PCDHA6: variants seen among roughly 807,000 people sequenced by gnomAD.
PCDHA6 encodes the protein protocadherin alpha 6.
Under a neutral mutation model 60.3 loss-of-function variants are expected in PCDHA6, and 55 were observed. The ratio of observed to expected loss-of-function variants is 0.91; its 90% CI spans 0.73 to 1.14. PCDHA6 has a LOEUF of 1.14. PCDHA6 is among the 50% of genes most tolerant of loss of function. The pLI is 0.00. For synonymous variants in PCDHA6, 652 were observed against 557.9 expected (o/e 1.17, Z -2.38); for missense variants, 1,327 against 1,256.5 (o/e 1.06, Z -0.85).
chr5:140,948,986 T>C (rs2094331337), intron 1 of PCDHA6, among the ~76,000 whole-genome samples: 1 of 151,752 alleles, frequency 6.6e-6, no homozygotes, highest in Non-Finnish European at 1.5e-5. Context: ...ACTGCTTTAT[T>C]TGCATTTTAC....
In PCDHA6 at chr5:140,830,233, G is replaced by C; in HGVS notation, c.2142G>C (p.Thr714=). The change falls in exon 1 of 4, where the codon ACG becomes ACC. Residue 714 remains threonine (T), a synonymous_variant. Coordinates refer to ENST00000529310, the MANE Select transcript of PCDHA6 (RefSeq NM_018909.4). ...ICAVSSLLVL[T]LLLYTALRCS... Reference sequence around the variant, plus strand: ...CGGTATCCAGCCTGCTGGTCCTCACGCTACTGCTGTACACAGCGCTGCGGT... The same window carrying C: ...CGGTATCCAGCCTGCTGGTCCTCACCCTACTGCTGTACACAGCGCTGCGGT... The C allele has an allele frequency of 6.2e-7, 1 of 1,613,906 alleles. No homozygotes were observed. Among genetic ancestry groups the C allele is most frequent in the Non-Finnish European group, 8.5e-7 (1 of 1,179,906 alleles).
intron 1 of PCDHA6, among the ~76,000 whole-genome samples, chr5:140,904,446 T>C (rs34807894): frequency 0.32 from 47,642 of 151,146 alleles, 7,868 homozygotes; most frequent in East Asian, 0.52. Context: ...TATTACAATT[T>C]CTTTATACAC....
At chr5:140,874,625 T>C (rs1342932675) in intron 1 of PCDHA6, among the ~76,000 whole-genome samples, 3 of 152,238 alleles carry the variant, frequency 2.0e-5, no homozygotes, top group Admixed American at 6.5e-5. Flanking sequence ...ACATTTTACA[T>C]TAAAGTGCTT....
At chr5:140,926,982 G>A (rs1554203886) in intron 1 of PCDHA6, 1 of 1,610,398 alleles carries the variant, frequency 6.2e-7, no homozygotes, top group East Asian at 2.2e-5. Flanking sequence ...CGGAGGAGAC[G>A]GAGCGGGGCG....
intron 1 of PCDHA6, chr5:140,968,812 T>C (rs782711806): frequency 6.2e-7 from 1 of 1,614,064 alleles, no homozygotes; most frequent in Non-Finnish European, 8.5e-7. Context: ...CTGTGGTGGA[T>C]AGGGTTTCCA....
chr5:140,977,012 TTC>T (rs2096742095), intron 1 of PCDHA6, among the ~76,000 whole-genome samples: 1 of 152,220 alleles, frequency 6.6e-6, no homozygotes, highest in African/African-American at 2.4e-5. Context: ...GTAACTGTGA[TTC>T]TGTCAAATGA....
At chr5:140,961,872 G>A (rs2095639337) in intron 1 of PCDHA6, among the ~76,000 whole-genome samples, 1 of 151,532 alleles carries the variant, frequency 6.6e-6, no homozygotes, top group Non-Finnish European at 1.5e-5. Flanking sequence ...ACAGATAATT[G>A]ACTTACTTAC....
chr5:140,882,997 C>T, intron 1 of PCDHA6: 1 of 1,614,062 alleles, frequency 6.2e-7, no homozygotes, highest in East Asian at 2.2e-5. Context: ...CGGAATTTTA[C>T]CAATCCGTTT....
chr5:140,997,711 C>T (rs963457412), intron 3 of PCDHA6, among the ~76,000 whole-genome samples: 4 of 151,080 alleles, frequency 2.6e-5, no homozygotes. Flanking sequence ...TTAACAAACA[C>T]CTTTCTACGT....
intron 1 of PCDHA6, chr5:140,854,181 AGTT>A: frequency 2.3e-6 from 1 of 434,280 alleles, no homozygotes; most frequent in Non-Finnish European, 3.0e-6. Context: ...AAAAAAGAGT[AGTT>A]TAACTACTCC....
At position 140,835,626 on chromosome 5, in the gene PCDHA6, C is replaced by G. The variant is rs2150239729; in HGVS notation, c.2394+5141C>G. ...ATTGGTGCTGGACAGCGCTCTGGAC[C>G]GCGAGAGTGTGTCCGCCTATGAGCT... is the stretch of plus-strand genomic sequence containing the variant. On this transcript the variant is annotated intron_variant, in intron 1 of 3. Transcript: ENST00000529310. 21 of 1,613,762 alleles carry G rather than the reference C, an allele frequency of 1.3e-5. No homozygotes were observed. The highest frequency in any genetic ancestry group is 1.1e-5 in the South Asian group (1 of 91,068).
chr5:140,876,660 G>A, intron 1 of PCDHA6: 1 of 1,614,216 alleles, frequency 6.2e-7, no homozygotes, highest in Non-Finnish European at 8.5e-7. Flanking sequence ...TTCCCTTCAA[G>A]CTGGTGTCCA....
intron 1 of PCDHA6, among the ~76,000 whole-genome samples, chr5:140,900,537 A>G (rs2068113323): frequency 6.6e-6 from 1 of 152,204 alleles, no homozygotes; most frequent in African/African-American, 2.4e-5. Context: ...TCGGCTTTCC[A>G]AAGTGCTGGG....
intron 1 of PCDHA6, among the ~76,000 whole-genome samples, chr5:140,906,070 C>T (rs1257687877): frequency 1.3e-5 from 2 of 152,162 alleles, no homozygotes; most frequent in South Asian, 2.1e-4. Flanking sequence ...CTGATTAGAT[C>T]GCACCCACCC....
At chr5:140,866,405 A>AT (rs2049338047) in intron 1 of PCDHA6, 1 of 152,116 alleles carries the variant, frequency 6.6e-6, no homozygotes, top group Non-Finnish European at 1.5e-5. Context: ...TCCCATGAAA[A>AT]TCTTCAAATG....
At chr5:140,881,382 C>A in intron 1 of PCDHA6, 1 of 984,112 alleles carries the variant, frequency 1.0e-6, no homozygotes, top group Non-Finnish European at 1.2e-6. Context: ...CAGCCGGCGG[C>A]GGTAAGTTAA....
At chr5:140,903,725 T>C (rs2070536820) in intron 1 of PCDHA6, among the ~76,000 whole-genome samples, 1 of 152,256 alleles carries the variant, frequency 6.6e-6, no homozygotes. Context: ...TTCTCCCTAT[T>C]ATCAATTATT....
At chr5:140,941,210 T>TCTTCCTTTCTTTCTTC (rs2092851427) in intron 1 of PCDHA6, among the ~76,000 whole-genome samples, 1 of 100,630 alleles carries the variant, frequency 9.9e-6, no homozygotes, top group South Asian at 2.9e-4. Context: ...TTCCTTTCTT[T>TCTTCCTTTCTTTCTTC]CTTCCTTTCT....
intron 1 of PCDHA6, chr5:140,857,553 C>A: frequency 1.3e-6 from 2 of 1,597,008 alleles, no homozygotes; most frequent in Non-Finnish European, 1.7e-6. Flanking sequence ...GGCGAGCGCT[C>A]GCTGTCGAGC....
Sources: allele counts gnomAD v4.1 joint callset (sites outside exome capture counted in the v4.1 genomes callset), GRCh38; gene constraint gnomAD v4.1.1; transcripts MANE v1.5; gene names NCBI Gene and HGNC (gene_info 2026-07-23, HGNC 2026-07-21).